Variants in CNBD1 observed in about 807,000 individuals in gnomAD.
CNBD1 encodes the protein cyclic nucleotide-binding domain-containing protein 1.
A neutral mutation model predicts 54.4 loss-of-function variants in CNBD1; 71 were observed. The observed-to-expected ratio is 1.30, with a 90% CI of 1.08 to 1.59. The LOEUF is 1.59. Ranked by LOEUF, CNBD1 falls within the 40% of genes most tolerant of loss-of-function variation. CNBD1 has a pLI of 0.00. For missense variants in CNBD1, 659 were observed against 518.0 expected, an observed-to-expected ratio of 1.27 and a Z score of -2.64; for synonymous variants, 182 against 170.7, an observed-to-expected ratio of 1.07 and a Z score of -0.51.
At chr8:87,032,484 T>A (rs538697907) in intron 4 of CNBD1, among the ~76,000 whole-genome samples, 84 of 152,190 alleles carry the variant, frequency 5.5e-4, no homozygotes, top group African/African-American at 2.0e-3. Context: ...AAGTGAATCA[T>A]CATAAAAGTC....
intron 6 of CNBD1, among the ~76,000 whole-genome samples, chr8:87,254,110 T>C (rs1807961786): frequency 6.6e-6 from 1 of 152,154 alleles, no homozygotes; most frequent in Non-Finnish European, 1.5e-5. Context: ...TGGAGAACAG[T>C]TTAGGAATAT....
At chr8:87,415,883 TAAG>T (rs1333267759) in intron 2 of CNBD1, among the ~76,000 whole-genome samples, 1 of 151,376 alleles carries the variant, frequency 6.6e-6, no homozygotes, top group African/African-American at 2.4e-5. Flanking sequence ...TAAAACCAAA[TAAG>T]AATCAAAACA....
chr8:87,272,546 A>G lies in CNBD1; in HGVS notation c.772-12132A>G, dbSNP rs574540708. ...TATGTGGGAGAAATGTTTTCCTTTGAATAAGACAGGAGCAATGTTTCTAGT... is the reference window on the plus strand; with the variant it reads ...TATGTGGGAGAAATGTTTTCCTTTGGATAAGACAGGAGCAATGTTTCTAGT... On this transcript the variant is annotated intron_variant, in intron 6 of 10. Transcript: ENST00000518476. Among the ~76,000 whole-genome samples, 5 of 152,076 alleles carry G rather than the reference A, an allele frequency of 3.3e-5. No individual in the cohort carries two copies. In the South Asian group the frequency reaches 1.0e-3, roughly 31 times the overall value.
chr8:87,021,043 G>T (rs1809478100), intron 4 of CNBD1, among the ~76,000 whole-genome samples: 1 of 152,138 alleles, frequency 6.6e-6, no homozygotes, highest in South Asian at 2.1e-4. Flanking sequence ...GGAAGCCCCT[G>T]CTTTTGAGTT....
chr8:87,138,712 C>T (rs991796584), intron 4 of CNBD1, among the ~76,000 whole-genome samples: 2 of 152,158 alleles, frequency 1.3e-5, no homozygotes, highest in African/African-American at 2.4e-5. Context: ...ACTAACATAA[C>T]GTGTTTATAA....
chr8:86,942,933 TCTGA>T (rs1376303263), intron 4 of CNBD1, among the ~76,000 whole-genome samples: 1 of 152,210 alleles, frequency 6.6e-6, no homozygotes, highest in Non-Finnish European at 1.5e-5. Flanking sequence ...TTTGTTTATC[TCTGA>T]CTAATTAAAC....
At chr8:86,871,564 T>C (rs1025665688) in intron 1 of CNBD1, among the ~76,000 whole-genome samples, 1 of 152,222 alleles carries the variant, frequency 6.6e-6, no homozygotes, top group African/African-American at 2.4e-5. Flanking sequence ...AAAATCTGTC[T>C]CTTGTGTTCT....
chr8:87,266,158 A>T lies in CNBD1; in HGVS notation c.772-18520A>T, dbSNP rs536285191. On this transcript the variant is annotated intron_variant, in intron 6 of 10. Transcript: ENST00000518476. ...TCTTAAAGATAAGTGTCCCCTAATG[A>T]TTTATACATTTCATGCAATTCCATT... Among the ~76,000 whole-genome samples the T allele has an allele frequency of 2.0e-5, 3 of 152,040 alleles. No individual in the cohort carries two copies. The East Asian group carries it at 5.8e-4, about 29-fold the overall frequency.
intron 4 of CNBD1, among the ~76,000 whole-genome samples, chr8:87,077,768 T>C (rs1810905019): frequency 6.6e-6 from 1 of 152,056 alleles, no homozygotes; most frequent in East Asian, 1.9e-4. Flanking sequence ...TATGGCTGCA[T>C]AGTATTCCAT....
intron 4 of CNBD1, among the ~76,000 whole-genome samples, chr8:87,154,610 A>G (rs1439547606): frequency 6.6e-6 from 1 of 152,226 alleles, no homozygotes; most frequent in Non-Finnish European, 1.5e-5. Flanking sequence ...AAATATCCAC[A>G]GTGGGGAGTG....
chr8:87,113,882 G>A (rs1169347293), intron 4 of CNBD1, among the ~76,000 whole-genome samples: 1 of 151,136 alleles, frequency 6.6e-6, no homozygotes. Context: ...TCGCGCCACT[G>A]TACTTCAACA....
chr8:86,889,611 G>T (rs1182413479), intron 2 of CNBD1, among the ~76,000 whole-genome samples: 1 of 152,084 alleles, frequency 6.6e-6, no homozygotes, highest in African/African-American at 2.4e-5. Context: ...AATAAAGGCA[G>T]TAGGTTGGTA....
intron 10 of CNBD1, among the ~76,000 whole-genome samples, chr8:87,370,709 T>C (rs1401653497): frequency 3.1e-4 from 47 of 150,484 alleles, no homozygotes; most frequent in Middle Eastern, 3.4e-3. Flanking sequence ...TTTCTTTTGC[T>C]GTGCAGAAGC....
chr8:87,385,977 A>C (rs1811176103), downstream of CNBD1, among the ~76,000 whole-genome samples: 1 of 152,180 alleles, frequency 6.6e-6, no homozygotes, highest in African/African-American at 2.4e-5. Flanking sequence ...GCTGTTCTGC[A>C]GCCTCCACTG....
intron 2 of CNBD1, among the ~76,000 whole-genome samples, chr8:87,422,467 G>A (rs1313720028): frequency 1.3e-5 from 2 of 151,268 alleles, no homozygotes; most frequent in Admixed American, 6.6e-5. Flanking sequence ...GTAAGGAAGG[G>A]ATTCAGTTTC....
At position 87,164,909 on chromosome 8, in the gene CNBD1, T is replaced by C. The variant is rs186422945; in HGVS notation, c.432-41084T>C. On this transcript the variant is annotated intron_variant, in intron 4 of 10. Transcript: ENST00000518476. ...TCTTTTGTTTTACTTAATGTATGCA[T>C]TGATAGCTACTATTTTTTTTCTTAG... Among the ~76,000 whole-genome samples, 3 of 152,016 alleles carry C rather than the reference T, an allele frequency of 2.0e-5. No homozygotes were observed. The East Asian group carries it at 5.8e-4, about 29-fold the overall frequency.
intron 4 of CNBD1, among the ~76,000 whole-genome samples, chr8:86,954,705 T>C (rs1807715021): frequency 6.6e-6 from 1 of 152,196 alleles, no homozygotes; most frequent in Admixed American, 6.5e-5. Context: ...AATTTTGAAA[T>C]ACCTGGTAAG....
chr8:86,955,671 G>A (rs1807747715), intron 4 of CNBD1, among the ~76,000 whole-genome samples: 1 of 152,134 alleles, frequency 6.6e-6, no homozygotes, highest in Non-Finnish European at 1.5e-5. Context: ...CCCACTTTTT[G>A]ATGGGGTTGT....
At chr8:87,237,157 G>A in intron 6 of CNBD1, 45 bp downstream of exon 6, 3 of 1,286,296 alleles carry the variant, frequency 2.3e-6, no homozygotes, top group Non-Finnish European at 3.2e-6. Flanking sequence ...CAAGGTAACG[G>A]GCTTTTGTAA....
Sources: gnomAD v4.1 joint callset for allele counts (sites outside exome capture counted in the v4.1 genomes callset) on GRCh38, gnomAD v4.1.1 for gene constraint, MANE v1.5 for transcripts, NCBI Gene and HGNC (gene_info 2026-07-23, HGNC 2026-07-21) for gene names.